TEKT5: variants seen among roughly 807,000 people sequenced by gnomAD.
TEKT5 encodes the protein tektin 5.
Under a neutral mutation model 48.7 loss-of-function variants are expected in TEKT5, and 52 were observed. That is an observed-to-expected ratio of 1.07 (90% CI 0.86 to 1.35). The LOEUF is 1.35. Ranked by LOEUF, TEKT5 falls within the 40% of genes most tolerant of loss-of-function variation. The pLI is 0.00. For missense variants in TEKT5, 831 were observed against 641.6 expected (o/e 1.30, Z -3.19); for synonymous variants, 318 against 267.6 (o/e 1.19, Z -1.84).
intron 3 of TEKT5, among the ~76,000 whole-genome samples, chr16:10,685,335 T>C (rs546956884): frequency 6.6e-6 from 1 of 152,312 alleles, no homozygotes; most frequent in South Asian, 2.1e-4. Context: ...AGTCTTGCTC[T>C]GTGGCCCGGA....
At chr16:10,654,678 G>A (rs904113359) in intron 5 of TEKT5, among the ~76,000 whole-genome samples, 2 of 152,106 alleles carry the variant, frequency 1.3e-5, no homozygotes, top group African/African-American at 4.8e-5. Context: ...TACAGCCTCA[G>A]CCCCTGACTC....
chr16:10,677,044 A>T (rs1438356946), intron 4 of TEKT5, among the ~76,000 whole-genome samples: 2 of 152,074 alleles, frequency 1.3e-5, no homozygotes, highest in Non-Finnish European at 2.9e-5. Flanking sequence ...AAAAAAAAGT[A>T]CCTACATGTG....
At chr16:10,645,312 C>T (rs922152651) in intron 5 of TEKT5, among the ~76,000 whole-genome samples, 1 of 152,066 alleles carries the variant, frequency 6.6e-6, no homozygotes, top group Non-Finnish European at 1.5e-5. Flanking sequence ...GAGTTCGAGA[C>T]CAGCCTGGGC....
intron 1 of TEKT5, chr16:10,690,556 G>A (rs1898953778): frequency 1.0e-6 from 1 of 984,804 alleles, no homozygotes. Context: ...AAGTCGGCTT[G>A]ACAAGTGTAA....
intron 4 of TEKT5, among the ~76,000 whole-genome samples, chr16:10,680,852 A>T: frequency 1.1e-5 from 1 of 92,652 alleles, no homozygotes; most frequent in Non-Finnish European, 2.0e-5. Flanking sequence ...CACTCTGGGG[A>T]CTGTTGTGGG....
At chr16:10,649,955 G>A (rs1178915012) in intron 5 of TEKT5, among the ~76,000 whole-genome samples, 1 of 152,112 alleles carries the variant, frequency 6.6e-6, no homozygotes, top group Non-Finnish European at 1.5e-5. Flanking sequence ...ATCCTTCCCA[G>A]GTTGGAGACT....
At chr16:10,646,889 T>C (rs1216294809) in intron 5 of TEKT5, among the ~76,000 whole-genome samples, 1 of 152,180 alleles carries the variant, frequency 6.6e-6, no homozygotes, top group Non-Finnish European at 1.5e-5. Flanking sequence ...GTGAGTGGCA[T>C]ATAAACACTC....
intron 5 of TEKT5, among the ~76,000 whole-genome samples, chr16:10,640,856 C>CA (rs1897984973): frequency 6.6e-6 from 1 of 152,066 alleles, no homozygotes; most frequent in Non-Finnish European, 1.5e-5. Context: ...AGCTAGACCA[C>CA]AATTTTCATC....
chr16:10,634,132 G>A (rs972305025), intron 6 of TEKT5, among the ~76,000 whole-genome samples: 1 of 152,176 alleles, frequency 6.6e-6, no homozygotes, highest in Non-Finnish European at 1.5e-5. Flanking sequence ...AGTGCTGTGT[G>A]ACTGGGACAG....
At chr16:10,637,315 C>T (rs147723312) in intron 5 of TEKT5, among the ~76,000 whole-genome samples, 2 of 149,746 alleles carry the variant, frequency 1.3e-5, no homozygotes, top group East Asian at 3.9e-4. Flanking sequence ...GGATTACACG[C>T]ATGAGCCACC....
chr16:10,662,037 C>T (rs965644209), intron 5 of TEKT5, among the ~76,000 whole-genome samples: 1 of 152,156 alleles, frequency 6.6e-6, no homozygotes, highest in African/African-American at 2.4e-5. Context: ...TTTCTCTCTT[C>T]TTAAATTAAA....
At chr16:10,680,621 G>A (rs374319605) in intron 4 of TEKT5, among the ~76,000 whole-genome samples, 2 of 151,734 alleles carry the variant, frequency 1.3e-5, no homozygotes, top group East Asian at 1.9e-4. Context: ...AATGTCCAAC[G>A]ATGATAGACT....
chr16:10,685,049 C>A (rs139194905), intron 3 of TEKT5, among the ~76,000 whole-genome samples: 34 of 152,300 alleles, frequency 2.2e-4, no homozygotes, highest in African/African-American at 8.2e-4. Context: ...TTAGTATAAC[C>A]CCAATCCCTC....
intron 5 of TEKT5, among the ~76,000 whole-genome samples, chr16:10,674,098 C>A (rs1806803634): frequency 6.6e-6 from 1 of 152,158 alleles, no homozygotes; most frequent in South Asian, 2.1e-4. Flanking sequence ...AAACCCTTCA[C>A]CAGGCCTACC....
At chr16:10,686,759 A>C (rs1002752059) in intron 3 of TEKT5, among the ~76,000 whole-genome samples, 1 of 152,258 alleles carries the variant, frequency 6.6e-6, no homozygotes, top group African/African-American at 2.4e-5. Context: ...CTCAATAGCA[A>C]GAAAACAACC....
At chr16:10,661,621 G>A (rs988884450) in intron 5 of TEKT5, among the ~76,000 whole-genome samples, 8 of 152,270 alleles carry the variant, frequency 5.3e-5, no homozygotes, top group African/African-American at 4.8e-5. Context: ...CTAAAGAAAC[G>A]AGGTCACCAA....
At chr16:10,640,125 C>G (rs1402870188) in intron 5 of TEKT5, among the ~76,000 whole-genome samples, 2 of 117,998 alleles carry the variant, frequency 1.7e-5, no homozygotes, top group African/African-American at 4.0e-5. Context: ...TCCTCCTCCC[C>G]CCTTCCTCCT....
intron 6 of TEKT5, among the ~76,000 whole-genome samples, chr16:10,633,313 A>G (rs1160161003): frequency 4.6e-5 from 7 of 152,096 alleles, no homozygotes; most frequent in African/African-American, 1.7e-4. Flanking sequence ...GTGAGCCAAG[A>G]TCGTGCCACT....
chr16:10,666,280 C>G (rs538402005), intron 5 of TEKT5, among the ~76,000 whole-genome samples: 1 of 152,118 alleles, frequency 6.6e-6, no homozygotes, highest in African/African-American at 2.4e-5. Flanking sequence ...TCAGGACTCA[C>G]GCAGATCTGA....
Sources: gnomAD v4.1 joint callset for allele counts (sites outside exome capture counted in the v4.1 genomes callset) on GRCh38, gnomAD v4.1.1 for gene constraint, MANE v1.5 for transcripts, NCBI Gene and HGNC (gene_info 2026-07-23, HGNC 2026-07-21) for gene names.